The following SLC9B2 variants were observed in gnomAD, a reference collection of about 807,000 sequenced individuals.
SLC9B2 encodes the protein solute carrier family 9 member B2, also known as sodium/hydrogen exchanger 9B2.
Under a neutral mutation model 52.2 loss-of-function variants are expected in SLC9B2, and 39 were observed. The observed-to-expected ratio is 0.75, with a 90% CI of 0.58 to 0.98. The LOEUF (loss-of-function observed/expected upper bound fraction) is 0.98. Ranked by LOEUF, SLC9B2 falls within the 50% of genes least tolerant of loss-of-function variation. SLC9B2 has a pLI of 0.00. For missense variants in SLC9B2, 626 were observed against 637.5 expected (o/e 0.98, Z 0.19); for synonymous variants, 214 against 227.0 (o/e 0.94, Z 0.51).
At chr4:103,019,003 C>T (rs1016307911), downstream of SLC9B2, among the ~76,000 whole-genome samples, 4 of 152,172 alleles carry the variant, frequency 2.6e-5, no homozygotes, top group African/African-American at 9.7e-5. Context: ...GCCTGATGAT[C>T]TGAGATAGAA....
Position 103,029,397 on chromosome 4 carries a change from T to C in SLC9B2, c.1256-514A>G, listed in dbSNP as rs565147846. On this transcript the variant is annotated intron_variant, in intron 10 of 11. Coordinates refer to ENST00000394785, the MANE Select transcript of SLC9B2 (RefSeq NM_178833.7). ...AAAAACAATATTTTAACCCAAAAAG[T>C]CAATAATTCTTTACAGGGTATAAGA... Among the ~76,000 whole-genome samples, 32 of 152,136 alleles carry C rather than the reference T, an allele frequency of 2.1e-4. No individual in the cohort carries two copies. The Middle Eastern group carries it at 0.014, about 65-fold the overall frequency.
chr4:103,031,607 G>C, intron 10 of SLC9B2, 93 bp downstream of exon 10: 1 of 854,834 alleles, frequency 1.2e-6, no homozygotes, highest in South Asian at 1.6e-5. Flanking sequence ...ACCTGCTGGA[G>C]ATATTTCAAT....
chr4:103,063,162 C>T (rs1348491909), intron 3 of SLC9B2, among the ~76,000 whole-genome samples: 1 of 151,956 alleles, frequency 6.6e-6, no homozygotes, highest in Non-Finnish European at 1.5e-5. Context: ...AACGTTTTAA[C>T]TATAAGTAGG....
At chr4:103,044,484 C>T (rs968310164) in intron 8 of SLC9B2, among the ~76,000 whole-genome samples, 1 of 152,112 alleles carries the variant, frequency 6.6e-6, no homozygotes. Context: ...CCAGAGGGAT[C>T]CTTTTGCCTC....
chr4:103,033,360 C>G (rs964217265), intron 9 of SLC9B2, among the ~76,000 whole-genome samples: 1 of 152,076 alleles, frequency 6.6e-6, no homozygotes, highest in East Asian at 1.9e-4. Context: ...CTTTTGAGAA[C>G]CAGAATAAGA....
At chr4:103,018,363 T>G (rs6842179), downstream of SLC9B2, among the ~76,000 whole-genome samples, 85,539 of 151,860 alleles carry the variant, frequency 0.56, 25,035 homozygotes, top group African/African-American at 0.74. Context: ...AAACTGAACT[T>G]GTACTAACTA....
rs536961848 is a variant in SLC9B2, at chr4:103,023,112, A to G, written c.*3258T>C. Among the ~76,000 whole-genome samples the G allele has an allele frequency of 6.6e-6, 1 of 152,328 alleles. No homozygotes were observed. The highest frequency in any genetic ancestry group is 2.4e-5 in the African/African-American group (1 of 41,570). On this transcript the variant is annotated 3_prime_UTR_variant, in exon 12 of 12. Coordinates refer to ENST00000394785, the MANE Select transcript of SLC9B2 (RefSeq NM_178833.7). Reference sequence around the variant, plus strand: ...AAGCTGACTAAGATAGACTAAGTGGACTAAGATCCGAACTGTCGTGTGGCA... The same window carrying G: ...AAGCTGACTAAGATAGACTAAGTGGGCTAAGATCCGAACTGTCGTGTGGCA...
intron 1 of SLC9B2, among the ~76,000 whole-genome samples, chr4:103,069,169 G>T (rs1001126834): frequency 3.3e-5 from 5 of 152,134 alleles, no homozygotes; most frequent in African/African-American, 9.7e-5. Context: ...GTCACTTGAT[G>T]AGAAAATGTT....
Position 103,067,587 on chromosome 4 carries a change from C to G in SLC9B2, c.-37G>C. On this transcript the variant is annotated 5_prime_UTR_variant, in exon 2 of 12. Coordinates refer to ENST00000394785, the MANE Select transcript of SLC9B2 (RefSeq NM_178833.7). ...AAGAAGATGACACAGGGAAGAGGAA[C>G]GAGATCTGTTTTGAAAGAGTATAGA... 6.7e-7 allele frequency: 1 copy of G among 1,481,936 alleles called. No individual in the cohort carries two copies. Among genetic ancestry groups the G allele is most frequent in the Non-Finnish European group, 9.4e-7 (1 of 1,062,414 alleles). 91.8% of individuals were successfully genotyped at this position (1,481,936 alleles called of 1,614,324 possible).
At chr4:103,035,108 A>G (rs893693975) in intron 9 of SLC9B2, among the ~76,000 whole-genome samples, 10 of 152,122 alleles carry the variant, frequency 6.6e-5, no homozygotes, top group Non-Finnish European at 1.3e-4. Context: ...CCCATTAGTT[A>G]TATTTTTCCT....
chr4:103,019,040 C>T (rs566512942), downstream of SLC9B2, among the ~76,000 whole-genome samples: 1 of 152,244 alleles, frequency 6.6e-6, no homozygotes, highest in East Asian at 1.9e-4. Flanking sequence ...TGCCCCCCAC[C>T]CCAAACTGTC....
intron 1 of SLC9B2, among the ~76,000 whole-genome samples, chr4:103,070,253 A>G (rs368239391): frequency 1.1e-3 from 172 of 152,344 alleles, no homozygotes; most frequent in African/African-American, 4.0e-3. Context: ...CAAAAATGTT[A>G]GCTTTACTTA....
intron 3 of SLC9B2, chr4:103,065,881 G>A (rs966866304): frequency 6.5e-6 from 1 of 152,926 alleles, no homozygotes; most frequent in Non-Finnish European, 1.5e-5. Flanking sequence ...AAAATAAGCT[G>A]AATTGCAAAC....
At chr4:103,072,054 A>ATGTTTTTTTTTTT (rs1746685752) in intron 1 of SLC9B2, among the ~76,000 whole-genome samples, 1 of 62,484 alleles carries the variant, frequency 1.6e-5, no homozygotes, top group African/African-American at 8.8e-5. Flanking sequence ...TTTGGCTTTC[A>ATGTTTTTTTTTTT]TGTTTTTTTT....
chr4:103,024,378 A>G lies in SLC9B2; in HGVS notation c.*1992T>C, dbSNP rs1481739279. Among the ~76,000 whole-genome samples, 1 of 152,238 alleles carries G rather than the reference A, an allele frequency of 6.6e-6. No homozygotes were observed. Among genetic ancestry groups the G allele is most frequent in the Non-Finnish European group, 1.5e-5 (1 of 68,038 alleles). On this transcript the variant is annotated 3_prime_UTR_variant, in exon 12 of 12. Transcript: ENST00000394785. The stretch of plus-strand genomic sequence containing the variant: ...AACACTTATCTGACCTTTGGTATAA[A>G]TTAATCAAGTCCAAATCAAGAGCAT...
chr4:103,066,286 CA>C (rs1746112463), intron 3 of SLC9B2, 40 bp downstream of exon 3: 1 of 1,582,394 alleles, frequency 6.3e-7, no homozygotes, highest in African/African-American at 1.4e-5. Flanking sequence ...GCCATTATAA[CA>C]ACTTCATCTT....
intron 9 of SLC9B2, among the ~76,000 whole-genome samples, chr4:103,032,948 T>G (rs1009212461): frequency 6.6e-6 from 1 of 152,192 alleles, no homozygotes; most frequent in Non-Finnish European, 1.5e-5. Flanking sequence ...ATAGGTGCTA[T>G]TCTCATATTC....
chr4:103,046,768 T>TC (rs1166678950), intron 7 of SLC9B2, among the ~76,000 whole-genome samples: 40 of 122,684 alleles, frequency 3.3e-4, no homozygotes, highest in East Asian at 1.2e-3. Context: ...AGCCTGAACG[T>TC]TCCTGGATCA....
At chr4:103,021,059 C>T (rs1321932044), downstream of SLC9B2, among the ~76,000 whole-genome samples, 3 of 152,118 alleles carry the variant, frequency 2.0e-5, no homozygotes, top group African/African-American at 7.2e-5. Flanking sequence ...ATGTTTTGTA[C>T]TCATGAAAAG....
Sources: gnomAD v4.1 joint callset for allele counts (sites outside exome capture counted in the v4.1 genomes callset) on GRCh38, gnomAD v4.1.1 for gene constraint, MANE v1.5 for transcripts, NCBI Gene and HGNC (gene_info 2026-07-23, HGNC 2026-07-21) for gene names.